ZDHHC4: variants seen among roughly 807,000 people sequenced by gnomAD.
ZDHHC4 encodes the protein zDHHC palmitoyltransferase 4.
Under a neutral mutation model 36.7 loss-of-function variants are expected in ZDHHC4, and 42 were observed. The ratio of observed to expected loss-of-function variants is 1.14; its 90% confidence interval spans 0.89 to 1.48. The LOEUF (loss-of-function observed/expected upper bound fraction) is 1.48. Among genes scored for constraint, ZDHHC4 ranks in the 40% most tolerant of loss-of-function variants. The pLI is 0.00. For missense variants in ZDHHC4, 457 were observed against 421.5 expected, an observed-to-expected ratio of 1.08 and a Z score of -0.74; for synonymous variants, 189 against 166.6, an observed-to-expected ratio of 1.13 and a Z score of -1.03.
rs181736579 is a variant in ZDHHC4 at position 6,584,987 on chromosome 7, C to T, written c.497-29C>T. 7.6e-5 allele frequency: 123 copies of T among 1,611,868 alleles called. No homozygotes were observed. In the African/African-American group the frequency reaches 1.4e-3, roughly 18 times the overall value. On this transcript the variant is annotated intron_variant, in intron 6 of 7. Coordinates refer to ENST00000335965, the MANE Select transcript of ZDHHC4 (RefSeq NM_001134389.2). ...TGTCCTTGTCTCGTCAAGCACCATC[C>T]CAGCACGTGCCCCCTTGTTTCTGTG...
At chr7:6,588,027 G>A (rs1020739751) in intron 7 of ZDHHC4, among the ~76,000 whole-genome samples, 2 of 152,064 alleles carry the variant, frequency 1.3e-5, no homozygotes, top group Admixed American at 1.3e-4. Flanking sequence ...CACCACACCC[G>A]GCTAACTTTT....
chr7:6,585,082 C>G lies in ZDHHC4; in HGVS notation c.563C>G (p.Ala188Gly). 1 of 1,614,140 alleles carries G rather than the reference C, an allele frequency of 6.2e-7. No homozygotes were observed. Among genetic ancestry groups the G allele is most frequent in the South Asian group, 1.1e-5 (1 of 91,084 alleles). Reference sequence around the variant, plus strand: ...GTTTGGGTGAACAACTGCATCGGGGCCTGGAACATCAGGTACTTCCTCATC... The same window carrying G: ...GTTTGGGTGAACAACTGCATCGGGGGCTGGAACATCAGGTACTTCCTCATC... Reference protein sequence around the residue: ...HCVWVNNCIGAWNIRYFLIYV... With the variant: ...HCVWVNNCIGGWNIRYFLIYV... Residue 188 changes from alanine to glycine, a missense_variant, in exon 7 of 8, where the codon GCC (alanine) becomes GGC (glycine). By Grantham distance (60) the Ala-to-Gly change is moderately conservative (BLOSUM62 0). Coordinates refer to ENST00000335965, the MANE Select transcript of ZDHHC4 (RefSeq NM_001134389.2).
At chr7:6,582,809 C>G (rs1780955344) in intron 5 of ZDHHC4, among the ~76,000 whole-genome samples, 1 of 152,138 alleles carries the variant, frequency 6.6e-6, no homozygotes, top group African/African-American at 2.4e-5. Context: ...AGCCACCGCA[C>G]TGGCAGAATT....
chr7:6,582,655 C>T (rs942863794), intron 5 of ZDHHC4, among the ~76,000 whole-genome samples: 4 of 152,018 alleles, frequency 2.6e-5, no homozygotes, highest in Admixed American at 2.0e-4. Flanking sequence ...GTAGCTAGGA[C>T]TACAGGCGTG....
At chr7:6,584,058 A>G (rs1276859629) in intron 6 of ZDHHC4, 1 of 152,156 alleles carries the variant, frequency 6.6e-6, no homozygotes, top group African/African-American at 2.4e-5. Context: ...GAAAAAAAAA[A>G]AAAGGCCATG....
chr7:6,587,994 T>G (rs1249138396), intron 7 of ZDHHC4, among the ~76,000 whole-genome samples: 1 of 152,196 alleles, frequency 6.6e-6, no homozygotes, highest in Non-Finnish European at 1.5e-5. Flanking sequence ...GCCTCTTGAG[T>G]AGCTGGGATT....
In ZDHHC4 at chr7:6,588,870, T is replaced by G. The variant is rs977426341; in HGVS notation, c.995T>G (p.Leu332Arg). 9 of 1,610,732 alleles carry G rather than the reference T, an allele frequency of 5.6e-6. No individual in the cohort carries two copies. Among genetic ancestry groups the G allele is most frequent in the Non-Finnish European group, 7.6e-6 (9 of 1,177,172 alleles). ...CGGAGCAACCTTCAAGAGATCTTTC[T>G]ACCTGCCTTTCCATGTCATGAGAGG... is the stretch of plus-strand genomic sequence containing the variant. Reference protein sequence around the residue: ...GLRSNLQEIFLPAFPCHERKK... With the variant: ...GLRSNLQEIFRPAFPCHERKK... The change falls in exon 8 of 8, where the codon CTA becomes CGA. Residue 332 changes from leucine to arginine, a missense_variant. Physicochemically the swap from Leu to Arg is moderately radical, Grantham distance 102. Transcript: ENST00000335965.
chr7:6,583,541 T>A (rs1362244094), intron 6 of ZDHHC4, 110 bp downstream of exon 6: 2 of 1,408,124 alleles, frequency 1.4e-6, no homozygotes, highest in Non-Finnish European at 1.9e-6. Context: ...CACCCCCAGA[T>A]ATGGTGTGGC....
chr7:6,586,562 G>A (rs994339416), intron 7 of ZDHHC4, among the ~76,000 whole-genome samples: 2 of 152,076 alleles, frequency 1.3e-5, no homozygotes, highest in African/African-American at 4.8e-5. Context: ...TGCAACCTCT[G>A]CCTCTCAGGT....
At chr7:6,588,565 C>T in intron 7 of ZDHHC4, 52 bp from the exon 8 acceptor site, 2 of 1,583,578 alleles carry the variant, frequency 1.3e-6, no homozygotes, top group Non-Finnish European at 1.7e-6. Context: ...TGTTCACTCT[C>T]ATGGATGTCA....
In ZDHHC4 at chr7:6,588,718, G is replaced by C. The variant is rs776289259; in HGVS notation, c.843G>C (p.Ala281=). 52 of 1,614,020 alleles carry C rather than the reference G, an allele frequency of 3.2e-5. No homozygotes were observed. Among genetic ancestry groups the C allele is most frequent in the Admixed American group, 2.0e-4 (12 of 59,982 alleles). ...ACCTGTTGTTTGTCCTGTATCTGGCGGCCACCAACCAGACTACTAACGAGT... is the reference window on the plus strand; with the variant it reads ...ACCTGTTGTTTGTCCTGTATCTGGCCGCCACCAACCAGACTACTAACGAGT... ...GGYLLFVLYL[A]ATNQTTNEWY... The change falls in exon 8 of 8, where the codon GCG becomes GCC. Residue 281 remains alanine (A), a synonymous_variant. Coordinates refer to ENST00000335965, the MANE Select transcript of ZDHHC4 (RefSeq NM_001134389.2).
At chr7:6,581,114 T>C (rs1780818551) in intron 3 of ZDHHC4, 1 of 249,466 alleles carries the variant, frequency 4.0e-6, no homozygotes, top group African/African-American at 2.3e-5. Flanking sequence ...GTGAGCAGGG[T>C]CCGCCTGGGG....
intron 2 of ZDHHC4, 95 bp from the exon 3 acceptor site, chr7:6,580,460 T>A: frequency 1.0e-6 from 1 of 1,001,122 alleles, no homozygotes; most frequent in Admixed American, 1.8e-5. Flanking sequence ...ATGAATTCTG[T>A]TTTGGTAGCC....
At chr7:6,584,563 C>T (rs141406220) in intron 6 of ZDHHC4, among the ~76,000 whole-genome samples, 108 of 152,280 alleles carry the variant, frequency 7.1e-4, no homozygotes, top group African/African-American at 2.5e-3. Context: ...CATATTCACA[C>T]TGAATTCAAA....
chr7:6,585,061 G>C lies in ZDHHC4; in HGVS notation c.542G>C (p.Trp181Ser), dbSNP rs772305212. ...CACCGTTTCGACCATCACTGTGTTTGGGTGAACAACTGCATCGGGGCCTGG... is the reference window on the plus strand; with the variant it reads ...CACCGTTTCGACCATCACTGTGTTTCGGTGAACAACTGCATCGGGGCCTGG... ...CVHRFDHHCVWVNNCIGAWNI... is the reference protein window; with the variant it reads ...CVHRFDHHCVSVNNCIGAWNI... Residue 181 changes from tryptophan to serine, a missense_variant, in exon 7 of 8, where the codon TGG (tryptophan) becomes TCG (serine). Coordinates refer to ENST00000335965, the MANE Select transcript of ZDHHC4 (RefSeq NM_001134389.2). 21 of 1,614,010 alleles carry C rather than the reference G, an allele frequency of 1.3e-5. No individual in the cohort carries two copies. Among genetic ancestry groups the C allele is most frequent in the Non-Finnish European group, 1.6e-5 (19 of 1,180,034 alleles).
In ZDHHC4 at chr7:6,588,651, T is replaced by C. The variant is rs1323662802; in HGVS notation, c.776T>C (p.Met259Thr). The change falls in exon 8 of 8, where the codon ATG (methionine) becomes ACG (threonine). Residue 259 changes from methionine (M) to threonine (T), a missense_variant. Physicochemically the swap from Met to Thr is moderately conservative, Grantham distance 81 (BLOSUM62 -1). Transcript: ENST00000335965. Reference protein sequence around the residue: ...LFLTFPRIVFMLGFVVVLSFL... With the variant: ...LFLTFPRIVFTLGFVVVLSFL... Reference sequence around the variant, plus strand: ...CTGACTTTTCCACGGATTGTCTTCATGCTGGGCTTTGTCGTGGTTCTGAGC... The same window carrying C: ...CTGACTTTTCCACGGATTGTCTTCACGCTGGGCTTTGTCGTGGTTCTGAGC... The C allele has an allele frequency of 6.2e-7, 1 of 1,614,210 alleles. No homozygotes were observed. The highest frequency in any genetic ancestry group is 1.3e-5 in the African/African-American group (1 of 75,068).
At chr7:6,581,927 C>T in intron 4 of ZDHHC4, 146 bp from the exon 5 acceptor site, 1 of 892,448 alleles carries the variant, frequency 1.1e-6, no homozygotes. Context: ...TAAATACATG[C>T]AAAATGTTTC....
intron 5 of ZDHHC4, 137 bp from the exon 6 acceptor site, chr7:6,583,169 G>C (rs7357134): frequency 0.29 from 272,746 of 949,680 alleles, 42,517 homozygotes; most frequent in Admixed American, 0.43. Context: ...GACAAAGTAA[G>C]ACTGTCTCAA....
In ZDHHC4 at chr7:6,583,292, C is replaced by T; in HGVS notation, c.371-14C>T. 1.2e-6 allele frequency: 2 copies of T among 1,613,494 alleles called. No homozygotes were observed. Among genetic ancestry groups the T allele is most frequent in the African/African-American group, 1.3e-5 (1 of 75,038 alleles). On this transcript the variant is annotated splice_polypyrimidine_tract_variant and intron_variant, in intron 5 of 7. Coordinates refer to ENST00000335965, the MANE Select transcript of ZDHHC4 (RefSeq NM_001134389.2). ...GTATTGCACGAAACTGACATATGTC[C>T]TTACTTTTCCCAGGCATTATAACAA...
Sources: gnomAD v4.1 joint callset for allele counts (sites outside exome capture counted in the v4.1 genomes callset) on GRCh38, gnomAD v4.1.1 for gene constraint, MANE v1.5 for transcripts, NCBI Gene and HGNC (gene_info 2026-07-23, HGNC 2026-07-21) for gene names.